ROBO2: variants seen among roughly 807,000 people sequenced by gnomAD.
ROBO2 encodes the protein roundabout guidance receptor 2.
A neutral mutation model predicts 160.8 loss-of-function variants in ROBO2; 53 were observed. That is an observed-to-expected ratio of 0.33 (90% CI 0.26 to 0.41). ROBO2 has a LOEUF of 0.41. Among genes scored for constraint, ROBO2 ranks in the 10% least tolerant of loss-of-function variants. The pLI is 1.00. For synonymous variants in ROBO2, 664 were observed against 611.7 expected (o/e 1.09, Z -1.26); for missense variants, 1,577 against 1,722.4 (o/e 0.92, Z 1.49).
rs767253270 is a variant in ROBO2, at chr3:77,493,394, A to G, written c.806+12A>G. The G allele has an allele frequency of 1.7e-5, 28 of 1,613,664 alleles. No homozygotes were observed. The Admixed American group carries it at 3.3e-4, about 19-fold the overall frequency. On this transcript the variant is annotated intron_variant, in intron 5 of 25. Coordinates refer to ENST00000461745, the Ensembl canonical transcript of ROBO2. ...TTGCCAAGAGGAAGGTAAGACCAACATATGGATGGAAGATTGTTAGATAAC... is the reference window on the plus strand; with the variant it reads ...TTGCCAAGAGGAAGGTAAGACCAACGTATGGATGGAAGATTGTTAGATAAC...
chr3:76,705,151 C>T (rs1381470135), intron 2 of ROBO2, among the ~76,000 whole-genome samples: 2 of 152,010 alleles, frequency 1.3e-5, no homozygotes, highest in Non-Finnish European at 2.9e-5. Flanking sequence ...GTATGGTCTG[C>T]CCACCTCTGA....
At chr3:76,642,193 AC>A (rs1297784858) in intron 2 of ROBO2, among the ~76,000 whole-genome samples, 1 of 152,124 alleles carries the variant, frequency 6.6e-6, no homozygotes. Flanking sequence ...AGAGGAGAAA[AC>A]TGAAGAATAG....
chr3:77,576,298 T>C (rs142772618), intron 14 of ROBO2, among the ~76,000 whole-genome samples: 1 of 152,180 alleles, frequency 6.6e-6, no homozygotes. Flanking sequence ...AAGTGAAATA[T>C]GTCATGACAT....
chr3:76,433,762 T>C (rs535070291), intron 2 of ROBO2, among the ~76,000 whole-genome samples: 2 of 152,304 alleles, frequency 1.3e-5, no homozygotes, highest in East Asian at 1.9e-4. Context: ...ATTTCTAGAA[T>C]AGTTCCAATT....
intron 2 of ROBO2, among the ~76,000 whole-genome samples, chr3:76,006,217 A>G (rs953323768): frequency 2.0e-5 from 3 of 152,162 alleles, no homozygotes; most frequent in African/African-American, 7.2e-5. Flanking sequence ...AGGGTAGAAT[A>G]AACTTTGTAC....
At chr3:77,303,465 A>C (rs62251202) in intron 2 of ROBO2, among the ~76,000 whole-genome samples, 1 of 152,172 alleles carries the variant, frequency 6.6e-6, no homozygotes, top group South Asian at 2.1e-4. Flanking sequence ...TGTGTTCATA[A>C]CAGAGTGAAA....
At chr3:76,360,287 T>TCAGAAACA (rs1173513444) in intron 2 of ROBO2, among the ~76,000 whole-genome samples, 1 of 152,120 alleles carries the variant, frequency 6.6e-6, no homozygotes, top group Non-Finnish European at 1.5e-5. Flanking sequence ...AGTTTCCCTT[T>TCAGAAACA]ATTCATTTCA....
At chr3:76,048,345 T>C (rs1306639739) in intron 2 of ROBO2, among the ~76,000 whole-genome samples, 2 of 152,150 alleles carry the variant, frequency 1.3e-5, no homozygotes, top group African/African-American at 4.8e-5. Flanking sequence ...ATTAAACTTA[T>C]ATTTGTGCAA....
At chr3:76,429,815 C>G (rs2076364575) in intron 2 of ROBO2, among the ~76,000 whole-genome samples, 1 of 152,192 alleles carries the variant, frequency 6.6e-6, no homozygotes, top group African/African-American at 2.4e-5. Flanking sequence ...CATCTGCTAA[C>G]ATGGCATCTT....
At chr3:77,579,893 T>C (rs773173389) in intron 15 of ROBO2, 54 bp from the exon 17 acceptor site, 47 of 1,491,406 alleles carry the variant, frequency 3.2e-5, no homozygotes, top group Non-Finnish European at 4.4e-5. Context: ...AGTAGTCTCG[T>C]TACCAGAAAC....
chr3:76,168,666 A>G (rs1174802189), intron 2 of ROBO2, among the ~76,000 whole-genome samples: 1 of 152,158 alleles, frequency 6.6e-6, no homozygotes, highest in Non-Finnish European at 1.5e-5. Context: ...ATACTAAACA[A>G]CACCCTTCAA....
chr3:77,143,676 A>G (rs2076902074), intron 2 of ROBO2, among the ~76,000 whole-genome samples: 1 of 152,158 alleles, frequency 6.6e-6, no homozygotes, highest in African/African-American at 2.4e-5. Context: ...TTTTAACCTA[A>G]GTAGAGAAAA....
Position 77,445,794 on chromosome 3 carries a change from G to GTT in ROBO2, c.389-31604_389-31603dup, listed in dbSNP as rs199914360. Among the ~76,000 whole-genome samples, 875 of 123,054 alleles carry GTT rather than the reference G, an allele frequency of 7.1e-3. 16 individuals are homozygous for GTT. The highest frequency in any genetic ancestry group is 0.026 in the African/African-American group (817 of 31,438). The allele number at this position is 123,054 out of a possible 152,430, so 80.7% of individuals were successfully genotyped here. On this transcript the variant is annotated intron_variant, in intron 2 of 25. Coordinates refer to ENST00000461745, the Ensembl canonical transcript of ROBO2. Reference sequence around the variant, plus strand: ...TTAAACAATTAAAAGGTTTTTTTTTGTTTTTTTTTTTTTTTTTGCTAATTT... The same window carrying GTT: ...TTAAACAATTAAAAGGTTTTTTTTTGTTTTTTTTTTTTTTTTTTTGCTAATTT...
At chr3:75,937,507 A>T in exon 2 of ROBO2, 10 of 1,571,076 alleles carry the variant, frequency 6.4e-6, no homozygotes, top group Non-Finnish European at 8.6e-6. Context: ...GCCAGAAGAC[A>T]TGAACGTGTC....
intron 2 of ROBO2, among the ~76,000 whole-genome samples, chr3:76,878,243 C>T (rs908875269): frequency 3.9e-5 from 6 of 152,096 alleles, no homozygotes; most frequent in Admixed American, 6.5e-5. Context: ...TGTTTTACCT[C>T]TGGCTGATAA....
chr3:76,240,682 G>A (rs529078564), intron 2 of ROBO2, among the ~76,000 whole-genome samples: 5 of 152,180 alleles, frequency 3.3e-5, no homozygotes, highest in East Asian at 1.9e-4. Context: ...GTGAGGTGAC[G>A]TCCTGCTTTT....
At chr3:76,932,596 C>G (rs1431865398) in intron 2 of ROBO2, among the ~76,000 whole-genome samples, 1 of 151,904 alleles carries the variant, frequency 6.6e-6, no homozygotes. Flanking sequence ...GACTGTGGCA[C>G]AAAAGTACAT....
At chr3:77,356,320 T>C (rs2069117033) in intron 2 of ROBO2, among the ~76,000 whole-genome samples, 1 of 151,272 alleles carries the variant, frequency 6.6e-6, no homozygotes, top group Non-Finnish European at 1.5e-5. Flanking sequence ...TTAGTGACTA[T>C]GTGTGCATGA....
chr3:76,308,349 C>A lies in ROBO2; in HGVS notation c.109+370747C>A, dbSNP rs537952353. Reference sequence around the variant, plus strand: ...GCGAGATCGCACCACTGCCCTCCAGCCTGGGTGACAGCGTGAGACTCTGTC... The same window carrying A: ...GCGAGATCGCACCACTGCCCTCCAGACTGGGTGACAGCGTGAGACTCTGTC... On this transcript the variant is annotated intron_variant, in intron 2 of 26. Coordinates refer to the ROBO2 transcript ENST00000487694. 2.0e-4 allele frequency among the ~76,000 whole-genome samples: 25 copies of A among 127,228 alleles called. No homozygotes were observed. The South Asian group carries it at 6.0e-3, about 30-fold the overall frequency. The allele number at this position is 127,228 out of a possible 152,430, so 83.5% of individuals were successfully genotyped here.
Sources: allele counts gnomAD v4.1 joint callset (sites outside exome capture counted in the v4.1 genomes callset), GRCh38; gene constraint gnomAD v4.1.1; transcripts MANE v1.5; gene names NCBI Gene and HGNC (gene_info 2026-07-23, HGNC 2026-07-21).